The following LONP2 variants were observed in gnomAD, a reference collection of about 807,000 sequenced individuals.
The protein encoded by LONP2 is lon protease homolog 2, peroxisomal.
In LONP2, 60 loss-of-function variants were observed where a neutral mutation model predicts 85.6. The ratio of observed to expected loss-of-function variants is 0.70; its 90% CI spans 0.57 to 0.87. The LOEUF (loss-of-function observed/expected upper bound fraction) is 0.87, where lower values mean the gene tolerates loss of function less well. Among genes scored for constraint, LONP2 ranks in the 40% least tolerant of loss-of-function variants. The pLI, the probability that LONP2 is intolerant of heterozygous loss-of-function variation, is 0.00. For missense variants in LONP2, 860 were observed against 1,063.5 expected (o/e 0.81, Z 2.66); for synonymous variants, 395 against 389.7 (o/e 1.01, Z -0.16).
chr16:48,285,988 C>T (rs1185482644), intron 8 of LONP2, among the ~76,000 whole-genome samples: 1 of 152,134 alleles, frequency 6.6e-6, no homozygotes, highest in Non-Finnish European at 1.5e-5. Context: ...ATTCTCTTTT[C>T]TGTTTCTATG....
At chr16:48,266,345 C>A (rs1277598365) in intron 6 of LONP2, among the ~76,000 whole-genome samples, 1 of 148,742 alleles carries the variant, frequency 6.7e-6, no homozygotes, top group African/African-American at 2.5e-5. Context: ...TTTTTTTGAG[C>A]TTTATTGAAG....
chr16:48,337,335 T>A (rs1409848479), intron 12 of LONP2, among the ~76,000 whole-genome samples: 2 of 152,224 alleles, frequency 1.3e-5, no homozygotes, highest in African/African-American at 4.8e-5. Flanking sequence ...TTACCAACTC[T>A]GTTGCTCTGT....
chr16:48,320,291 G>A (rs574007724), intron 11 of LONP2, among the ~76,000 whole-genome samples: 15 of 152,064 alleles, frequency 9.9e-5, no homozygotes, highest in South Asian at 6.2e-4. Flanking sequence ...GTTTGGATTC[G>A]GTTTTGCATT....
At chr16:48,256,884 C>A in intron 3 of LONP2, 143 bp downstream of exon 3, 1 of 713,196 alleles carries the variant, frequency 1.4e-6, no homozygotes, top group Non-Finnish European at 2.2e-6. Flanking sequence ...AACTGACTTT[C>A]AAATGTGATT....
At chr16:48,362,149 C>T, downstream of LONP2, 1 of 1,614,172 alleles carries the variant, frequency 6.2e-7, no homozygotes, top group Non-Finnish European at 8.5e-7. This position sits in a 1 kb window ranked among gnomAD's most constrained non-coding sequence, Gnocchi z 4.2. Context: ...GGGAAAAGTA[C>T]TGAATTAGCC....
chr16:48,357,882 AAATT>A (rs1960435485), downstream of LONP2, among the ~76,000 whole-genome samples: 1 of 152,212 alleles, frequency 6.6e-6, no homozygotes, highest in Non-Finnish European at 1.5e-5. Context: ...TGTTCCCCAA[AAATT>A]AACACACCAA....
chr16:48,267,627 G>GT (rs1420166793), intron 6 of LONP2, among the ~76,000 whole-genome samples: 1 of 151,230 alleles, frequency 6.6e-6, no homozygotes, highest in Non-Finnish European at 1.5e-5. Flanking sequence ...TTGTTTGTTC[G>GT]TTTTTTGAGA....
At chr16:48,300,939 G>A (rs1029707646) in intron 10 of LONP2, among the ~76,000 whole-genome samples, 4 of 152,174 alleles carry the variant, frequency 2.6e-5, no homozygotes, top group Non-Finnish European at 2.9e-5. Flanking sequence ...ATTCTGAAGA[G>A]TGATCATTAT....
intron 10 of LONP2, among the ~76,000 whole-genome samples, chr16:48,302,078 G>T (rs1367554030): frequency 6.6e-6 from 1 of 152,158 alleles, no homozygotes; most frequent in Non-Finnish European, 1.5e-5. Context: ...ATTATTTTAT[G>T]ACTGTATCTC....
rs776343152 is a variant in LONP2 at position 48,316,323 on chromosome 16, C to CTTT, written c.1795+13037_1795+13039dup. 1.2e-3 allele frequency among the ~76,000 whole-genome samples: 128 copies of CTTT among 105,978 alleles called. 1 individual carries two copies. The highest frequency in any genetic ancestry group is 7.4e-3 in the Middle Eastern group (1 of 136). The allele number at this position is 105,978 out of a possible 152,430, so 69.5% of individuals were successfully genotyped here. On this transcript the variant is annotated intron_variant, in intron 11 of 14. Transcript: ENST00000285737. ...GCCACCGCGCCCAGCCCATTGGATT[C>CTTT]TTTTTTTTTTTTTTTTTTTTTGAGA...
At chr16:48,324,774 G>A (rs1973335032) in intron 11 of LONP2, among the ~76,000 whole-genome samples, 1 of 151,978 alleles carries the variant, frequency 6.6e-6, no homozygotes. Flanking sequence ...TTATTGATAC[G>A]GAAACTGGGG....
At chr16:48,320,402 T>C (rs1010557445) in intron 11 of LONP2, among the ~76,000 whole-genome samples, 1 of 152,090 alleles carries the variant, frequency 6.6e-6, no homozygotes, top group Non-Finnish European at 1.5e-5. Context: ...TCCAAGGAAC[T>C]AAGGTTGCTG....
At chr16:48,282,730 C>G (rs1178515205) in intron 8 of LONP2, among the ~76,000 whole-genome samples, 2 of 152,164 alleles carry the variant, frequency 1.3e-5, no homozygotes, top group East Asian at 1.9e-4. Flanking sequence ...CCTCTGGCTC[C>G]TATTCCCTGA....
chr16:48,258,554 ACTGT>A (rs1320575828), intron 3 of LONP2, 60 bp from the exon 4 acceptor site: 34 of 1,500,222 alleles, frequency 2.3e-5, no homozygotes, highest in East Asian at 2.4e-5. Flanking sequence ...CATGGCTCTG[ACTGT>A]CTGTTTTTGG....
chr16:48,245,573 T>G lies in LONP2; in HGVS notation c.233+952T>G, dbSNP rs531118799. Among the ~76,000 whole-genome samples the G allele has an allele frequency of 2.6e-5, 4 of 152,344 alleles. No individual in the cohort carries two copies. In the South Asian group the frequency reaches 6.2e-4, roughly 24 times the overall value. ...TCCTGGTTTGCTGCGATTGTCTGTT[T>G]TAGCATTGAAAGTCCTATGTTTTAG... is the stretch of plus-strand genomic sequence containing the variant. On this transcript the variant is annotated intron_variant, in intron 1 of 14. Coordinates refer to ENST00000285737, the MANE Select transcript of LONP2 (RefSeq NM_031490.5).
chr16:48,313,845 A>G (rs1376428549), intron 11 of LONP2, among the ~76,000 whole-genome samples: 1 of 152,222 alleles, frequency 6.6e-6, no homozygotes, highest in African/African-American at 2.4e-5. Context: ...GCTGGATCAA[A>G]TGGTATTTCT....
intron 4 of LONP2, 28 bp from the exon 5 acceptor site, chr16:48,261,396 G>T (rs150414975): frequency 1.3e-6 from 2 of 1,523,230 alleles, no homozygotes; most frequent in Non-Finnish European, 8.9e-7. Flanking sequence ...TTTGACATAC[G>T]GTTTTACTTT....
chr16:48,328,428 C>T (rs1596989080), intron 11 of LONP2, among the ~76,000 whole-genome samples: 1 of 151,798 alleles, frequency 6.6e-6, no homozygotes, highest in South Asian at 2.1e-4. Context: ...ACCTGTAATC[C>T]CAGCACTTTG....
In LONP2 at chr16:48,276,962, G is replaced by A. The variant is rs574802196; in HGVS notation, c.1242-376G>A. ...GTGTGCATAAAGGTGGTTGCGTTGG[G>A]TAGGGGGATGCTCAGAAAAATCATG... is the stretch of plus-strand genomic sequence containing the variant. On this transcript the variant is annotated intron_variant, in intron 7 of 14. Coordinates refer to ENST00000285737, the MANE Select transcript of LONP2 (RefSeq NM_031490.5). 2.3e-3 allele frequency among the ~76,000 whole-genome samples: 345 copies of A among 152,268 alleles called. 2 individuals carry two copies. The highest frequency in any genetic ancestry group is 8.1e-3 in the African/African-American group (336 of 41,542).
Sources: allele counts gnomAD v4.1 joint callset (sites outside exome capture counted in the v4.1 genomes callset), GRCh38; gene constraint gnomAD v4.1.1; non-coding constraint Gnocchi (gnomAD v3.1); transcripts MANE v1.5; gene names NCBI Gene and HGNC (gene_info 2026-07-23, HGNC 2026-07-21).